MRAP2: variants seen among roughly 807,000 people sequenced by gnomAD.
The protein encoded by MRAP2 is melanocortin 2 receptor accessory protein 2.
A neutral mutation model predicts 17.4 loss-of-function variants in MRAP2; 20 were observed. The ratio of observed to expected loss-of-function variants is 1.15; its 90% CI spans 0.81 to 1.67. The LOEUF is 1.67. Ranked by LOEUF, MRAP2 falls within the 40% of genes most tolerant of loss-of-function variation. The pLI, the probability that MRAP2 is intolerant of heterozygous loss-of-function variation, is 0.00. For synonymous variants in MRAP2, 96 were observed against 88.4 expected (o/e 1.09, Z -0.48); for missense variants, 238 against 240.0 (o/e 0.99, Z 0.05).
At chr6:84,126,331 C>T in the MRAP2 span, 3 of 1,398,706 alleles carry the variant, frequency 2.1e-6, no homozygotes, top group Non-Finnish European at 2.8e-6. Flanking sequence ...ATTAAAGGCA[C>T]TTAAAAGTAA....
chr6:84,080,373 T>C (rs1162418274), intron 3 of MRAP2, among the ~76,000 whole-genome samples: 1 of 152,194 alleles, frequency 6.6e-6, no homozygotes, highest in Non-Finnish European at 1.5e-5. Context: ...ATTTTGATTC[T>C]GACAACTTTC....
the MRAP2 span, among the ~76,000 whole-genome samples, chr6:84,121,153 C>T: frequency 6.6e-6 from 1 of 151,422 alleles, no homozygotes. Context: ...TAGCTCACTG[C>T]AGCCTTGAAC....
chr6:84,121,951 G>T, the MRAP2 span, among the ~76,000 whole-genome samples: 1 of 151,906 alleles, frequency 6.6e-6, no homozygotes, highest in Non-Finnish European at 1.5e-5. Context: ...GATCAAAGCA[G>T]AACTAAATGA....
chr6:84,087,058 A>C lies in MRAP2; in HGVS notation c.228-2033A>C, dbSNP rs113263496. Among the ~76,000 whole-genome samples, 1,005 of 152,312 alleles carry C rather than the reference A, an allele frequency of 6.6e-3. 14 individuals are homozygous for C. The highest frequency in any genetic ancestry group is 0.023 in the African/African-American group (948 of 41,566). On this transcript the variant is annotated intron_variant, in intron 3 of 3. Coordinates refer to ENST00000257776, the MANE Select transcript of MRAP2 (RefSeq NM_138409.4). ...GCTTTGTGAACCCCCAAAATCCGAG[A>C]GAGGTCTCAGTTAATTTAGAAAGTT...
chr6:84,140,206 A>C, the MRAP2 span, among the ~76,000 whole-genome samples: 1 of 152,070 alleles, frequency 6.6e-6, no homozygotes, highest in Non-Finnish European at 1.5e-5. Flanking sequence ...AGCTCAGGGG[A>C]GTTTGTCTTA....
chr6:84,055,353 C>T lies in MRAP2; in HGVS notation c.35C>T (p.Ser12Phe). 1 of 1,613,824 alleles carries T rather than the reference C, an allele frequency of 6.2e-7. No individual in the cohort carries two copies. Reference sequence around the variant, plus strand: ...CAGAGGTTAATTTCTAACAGAACCTCCCAGCAATCGGCATCTAATTCTGAT... The same window carrying T: ...CAGAGGTTAATTTCTAACAGAACCTTCCAGCAATCGGCATCTAATTCTGAT... ...SAQRLISNRT[S>F]QQSASNSDYT... is the part of the protein sequence containing the mutation. Residue 12 changes from serine (S) to phenylalanine (F), a missense_variant, in exon 2 of 4, where the codon TCC (serine) becomes TTC (phenylalanine). Coordinates refer to ENST00000257776, the MANE Select transcript of MRAP2 (RefSeq NM_138409.4).
At chr6:84,124,837 A>T in the MRAP2 span, 3 of 513,922 alleles carry the variant, frequency 5.8e-6, no homozygotes, top group African/African-American at 4.0e-5. Flanking sequence ...GCTATAAAGG[A>T]AACTGTCCAT....
chr6:84,126,544 T>A, the MRAP2 span: 1 of 1,423,800 alleles, frequency 7.0e-7, no homozygotes, highest in Non-Finnish European at 9.4e-7. Flanking sequence ...AATGAAAAAC[T>A]ATAATCACAA....
chr6:84,128,831 A>G, the MRAP2 span, among the ~76,000 whole-genome samples: 1 of 151,870 alleles, frequency 6.6e-6, no homozygotes, highest in African/African-American at 2.4e-5. Context: ...TCCTAATGCT[A>G]TCCCTCCCCT....
At chr6:84,125,159 A>G in the MRAP2 span, 1 of 1,613,474 alleles carries the variant, frequency 6.2e-7, no homozygotes, top group Non-Finnish European at 8.5e-7. Flanking sequence ...TCTAATATTG[A>G]GTCTAGTTCT....
At chr6:84,141,220 C>A in the MRAP2 span, among the ~76,000 whole-genome samples, 1 of 151,346 alleles carries the variant, frequency 6.6e-6, no homozygotes, top group Non-Finnish European at 1.5e-5. Flanking sequence ...ATGGGTATAC[C>A]TTTAAAGATT....
chr6:84,033,625 C>G, upstream of MRAP2: 1 of 947,312 alleles, frequency 1.1e-6, no homozygotes, highest in Non-Finnish European at 1.3e-6. Flanking sequence ...AAGCTCACCT[C>G]CTCTTGGCCA....
At chr6:84,091,153 T>G (rs1447920089), downstream of MRAP2, among the ~76,000 whole-genome samples, 1 of 138,776 alleles carries the variant, frequency 7.2e-6, no homozygotes, top group Non-Finnish European at 1.5e-5. Flanking sequence ...TAAAGCTACT[T>G]TAACATATTT....
rs1416340519 is a variant in MRAP2, at chr6:84,044,739, C to T, written c.-7-10573C>T. On this transcript the variant is annotated intron_variant, in intron 1 of 3. Transcript: ENST00000257776. ...CCTTTAAAGGCCCTATGTCCAAATACAGTCACATTCTGAGATACTGGGTGC... is the reference window on the plus strand; with the variant it reads ...CCTTTAAAGGCCCTATGTCCAAATATAGTCACATTCTGAGATACTGGGTGC... 2.0e-5 allele frequency among the ~76,000 whole-genome samples: 3 copies of T among 152,338 alleles called. No individual in the cohort carries two copies. The South Asian group carries it at 6.2e-4, about 32-fold the overall frequency.
chr6:84,064,832 C>A (rs1303285833), intron 3 of MRAP2, among the ~76,000 whole-genome samples: 1 of 152,174 alleles, frequency 6.6e-6, no homozygotes, highest in Non-Finnish European at 1.5e-5. Context: ...TGCCTCACAG[C>A]CTGGCAGCAG....
At chr6:84,136,734 T>C in the MRAP2 span, among the ~76,000 whole-genome samples, 2 of 152,212 alleles carry the variant, frequency 1.3e-5, no homozygotes, top group African/African-American at 4.8e-5. Context: ...AAAAATGCTA[T>C]GAAGGTCTTA....
chr6:84,087,081 G>A (rs2099500668), intron 3 of MRAP2, among the ~76,000 whole-genome samples: 1 of 152,198 alleles, frequency 6.6e-6, no homozygotes, highest in Non-Finnish European at 1.5e-5. Flanking sequence ...AATTTAGAAA[G>A]TTTATTTTGC....
At chr6:84,136,659 A>G in the MRAP2 span, among the ~76,000 whole-genome samples, 2 of 152,212 alleles carry the variant, frequency 1.3e-5, no homozygotes, top group East Asian at 1.9e-4. Flanking sequence ...TTTCACTGCT[A>G]TATCTTAAGA....
the MRAP2 span, among the ~76,000 whole-genome samples, chr6:84,142,658 C>T: frequency 6.6e-6 from 1 of 152,092 alleles, no homozygotes; most frequent in Admixed American, 6.6e-5. Flanking sequence ...TCAGAGTTGT[C>T]AACAGTAAGT....
Sources: gnomAD v4.1 joint callset for allele counts (sites outside exome capture counted in the v4.1 genomes callset) on GRCh38, gnomAD v4.1.1 for gene constraint, MANE v1.5 for transcripts, NCBI Gene and HGNC (gene_info 2026-07-23, HGNC 2026-07-21) for gene names.